The following ZFAT variants were observed in gnomAD, a reference collection of about 807,000 sequenced individuals.
ZFAT encodes zinc finger and AT-hook domain containing.
In ZFAT, 64 loss-of-function variants were observed where a neutral mutation model predicts 117.7. That is an observed-to-expected ratio of 0.54 (90% CI 0.44 to 0.67). The LOEUF is 0.67. Ranked by LOEUF, ZFAT falls within the 30% of genes least tolerant of loss-of-function variation. ZFAT has a pLI of 0.00. For missense variants in ZFAT, 1,433 were observed against 1,584.5 expected (o/e 0.90, Z 1.62); for synonymous variants, 679 against 615.0 (o/e 1.10, Z -1.54).
intron 3 of ZFAT, 29 bp downstream of exon 3, chr8:134,637,432 G>C: frequency 6.3e-7 from 1 of 1,588,880 alleles, no homozygotes; most frequent in Non-Finnish European, 8.6e-7. Flanking sequence ...ATAAGAAATT[G>C]ACATGTTCAG....
At chr8:134,696,083 T>A (rs985112497) in intron 1 of ZFAT, among the ~76,000 whole-genome samples, 2 of 149,042 alleles carry the variant, frequency 1.3e-5, no homozygotes, top group African/African-American at 2.5e-5. Flanking sequence ...AAGGAGGAGC[T>A]GCCCCCAAGC....
the ZFAT span, among the ~76,000 whole-genome samples, chr8:134,809,702 C>G: frequency 2.0e-5 from 3 of 152,060 alleles, no homozygotes; most frequent in African/African-American, 7.2e-5. Context: ...TTTATCATGT[C>G]GGTAAACTGT....
At chr8:134,532,711 A>G in intron 12 of ZFAT, 123 bp downstream of exon 12, 1 of 1,299,468 alleles carries the variant, frequency 7.7e-7, no homozygotes, top group Non-Finnish European at 1.0e-6. Flanking sequence ...ACGATGAAGA[A>G]TGAACATCAC....
At chr8:134,637,270 A>G (rs962410942) in intron 3 of ZFAT, among the ~76,000 whole-genome samples, 191 bp downstream of exon 3, 2 of 152,280 alleles carry the variant, frequency 1.3e-5, no homozygotes, top group African/African-American at 4.8e-5. Context: ...ATCAACTCCC[A>G]GATGACACAT....
chr8:134,684,968 C>T (rs771706148), intron 1 of ZFAT, among the ~76,000 whole-genome samples: 36 of 152,286 alleles, frequency 2.4e-4, no homozygotes, highest in Non-Finnish European at 4.9e-4. Context: ...ACGTGTCAGC[C>T]ATGGGAAGGA....
chr8:134,625,574 A>G lies in ZFAT; in HGVS notation c.448+11887T>C, dbSNP rs1276894130. Among the ~76,000 whole-genome samples, 3 of 152,166 alleles carry G rather than the reference A, an allele frequency of 2.0e-5. No homozygotes were observed. In the East Asian group the frequency reaches 5.8e-4, roughly 29 times the overall value. ...TATTTACATCACTGTCCTCCTCCCC[A>G]GGCACTCAGCTGCTCAAGGGAATAG... On this transcript the variant is annotated intron_variant, in intron 3 of 15. Transcript: ENST00000377838.
intron 10 of ZFAT, among the ~76,000 whole-genome samples, chr8:134,567,899 T>G (rs966807042): frequency 6.6e-6 from 1 of 152,224 alleles, no homozygotes; most frequent in Non-Finnish European, 1.5e-5. Context: ...TTGAACACTC[T>G]GGTAATTGGG....
chr8:134,628,130 G>A (rs879924137), intron 3 of ZFAT, among the ~76,000 whole-genome samples: 1 of 152,236 alleles, frequency 6.6e-6, no homozygotes, highest in Non-Finnish European at 1.5e-5. Flanking sequence ...TGGCACAGGA[G>A]AGGGTTGTGG....
At chr8:134,775,109 C>T in the ZFAT span, among the ~76,000 whole-genome samples, 3 of 152,118 alleles carry the variant, frequency 2.0e-5, no homozygotes, top group Admixed American at 2.0e-4. Context: ...CAGAGAGAGA[C>T]TCCATCTCAA....
At chr8:134,514,068 G>T (rs1250048116) in intron 13 of ZFAT, among the ~76,000 whole-genome samples, 1 of 152,224 alleles carries the variant, frequency 6.6e-6, no homozygotes, top group Non-Finnish European at 1.5e-5. Flanking sequence ...TGTCAGGAAG[G>T]CTGGTACTCG....
the ZFAT span, among the ~76,000 whole-genome samples, chr8:134,805,680 A>C: frequency 6.6e-6 from 1 of 152,236 alleles, no homozygotes; most frequent in Non-Finnish European, 1.5e-5. Flanking sequence ...TTAATTTAAA[A>C]TATGTAAAAT....
intron 11 of ZFAT, among the ~76,000 whole-genome samples, chr8:134,541,046 G>A (rs1480720343): frequency 6.6e-6 from 1 of 152,182 alleles, no homozygotes; most frequent in Admixed American, 6.5e-5. Flanking sequence ...TGGGTTCCAC[G>A]TGCTGGCCAG....
intron 7 of ZFAT, among the ~76,000 whole-genome samples, chr8:134,595,387 T>C (rs187432185): frequency 2.6e-4 from 39 of 152,178 alleles, no homozygotes; most frequent in African/African-American, 9.2e-4. Flanking sequence ...TTGGGTGTTC[T>C]GTACAGTACA....
At chr8:134,784,841 G>T in the ZFAT span, 1 of 151,950 alleles carries the variant, frequency 6.6e-6, no homozygotes, top group Admixed American at 6.6e-5. Context: ...AAATACTGTA[G>T]TTTTTTTTCC....
intron 9 of ZFAT, among the ~76,000 whole-genome samples, chr8:134,587,694 G>A (rs1205793571): frequency 1.3e-5 from 2 of 152,166 alleles, no homozygotes; most frequent in Non-Finnish European, 2.9e-5. Flanking sequence ...CCCTGAGAGT[G>A]GCCCCACACT....
chr8:134,548,699 A>G (rs1822889962), intron 11 of ZFAT, among the ~76,000 whole-genome samples: 1 of 150,702 alleles, frequency 6.6e-6, no homozygotes, highest in African/African-American at 2.4e-5. Flanking sequence ...GAGATTGAAA[A>G]TCACTGCATA....
chr8:134,759,351 G>T, the ZFAT span, among the ~76,000 whole-genome samples: 1 of 152,290 alleles, frequency 6.6e-6, no homozygotes, highest in African/African-American at 2.4e-5. Context: ...GAGCCAGGTA[G>T]ATTTGGGACC....
chr8:134,482,195 C>T (rs913171380), intron 15 of ZFAT, among the ~76,000 whole-genome samples: 9 of 152,296 alleles, frequency 5.9e-5, no homozygotes, highest in African/African-American at 1.7e-4. Context: ...CTTTTACTCC[C>T]GGCTGAGCCA....
chr8:134,618,707 T>G (rs1828907424), intron 3 of ZFAT, among the ~76,000 whole-genome samples: 1 of 152,372 alleles, frequency 6.6e-6, no homozygotes, highest in East Asian at 1.9e-4. Flanking sequence ...CAAATTTTCT[T>G]AAGTGTCCAT....
Sources: gnomAD v4.1 joint callset for allele counts (sites outside exome capture counted in the v4.1 genomes callset) on GRCh38, gnomAD v4.1.1 for gene constraint, MANE v1.5 for transcripts, NCBI Gene and HGNC (gene_info 2026-07-23, HGNC 2026-07-21) for gene names.